COBLL1: variants seen among roughly 807,000 people sequenced by gnomAD.
COBLL1 encodes cordon-bleu protein-like 1.
In COBLL1, 50 loss-of-function variants were observed where a neutral mutation model predicts 94.8. The observed-to-expected ratio is 0.53, with a 90% CI of 0.42 to 0.67. COBLL1 has a LOEUF of 0.67. Among genes scored for constraint, COBLL1 ranks in the 30% least tolerant of loss-of-function variants. COBLL1 has a pLI of 0.00. For synonymous variants in COBLL1, 448 were observed against 473.8 expected (o/e 0.95, Z 0.71); for missense variants, 1,362 against 1,348.7 (o/e 1.01, Z -0.15).
intron 2 of COBLL1, among the ~76,000 whole-genome samples, chr2:164,772,976 T>A (rs1039435818): frequency 8.5e-6 from 1 of 117,002 alleles, no homozygotes; most frequent in Non-Finnish European, 1.8e-5. Context: ...GCTGACGGAG[T>A]TAATATTACA....
chr2:164,803,866 T>C (rs1320824739), intron 2 of COBLL1, among the ~76,000 whole-genome samples: 1 of 151,938 alleles, frequency 6.6e-6, no homozygotes, highest in Non-Finnish European at 1.5e-5. Context: ...ACTAGGCAGG[T>C]AGCTACTTAA....
At chr2:164,687,534 G>A in intron 13 of COBLL1, 3 of 1,314,382 alleles carry the variant, frequency 2.3e-6, no homozygotes, top group Non-Finnish European at 3.3e-6. Context: ...CTTGGCCAAT[G>A]TGACCCCTGA....
At chr2:164,675,744 G>T (rs1195635870), downstream of COBLL1, among the ~76,000 whole-genome samples, 2 of 152,148 alleles carry the variant, frequency 1.3e-5, no homozygotes, top group Non-Finnish European at 2.9e-5. Flanking sequence ...TAATAAAAAT[G>T]TTTTATTGCT....
chr2:164,706,900 T>C (rs1312529354), intron 7 of COBLL1, among the ~76,000 whole-genome samples: 3 of 152,154 alleles, frequency 2.0e-5, no homozygotes, highest in Non-Finnish European at 4.4e-5. Flanking sequence ...GTAACTTTGG[T>C]CAAAACCCAC....
At chr2:164,748,488 A>C (rs1191389673) in intron 2 of COBLL1, among the ~76,000 whole-genome samples, 1 of 152,228 alleles carries the variant, frequency 6.6e-6, no homozygotes, top group Non-Finnish European at 1.5e-5. Flanking sequence ...AAAATGTAAC[A>C]TTAACATTCA....
chr2:164,805,333 C>CTATATATATATATATATA (rs1406604214), intron 2 of COBLL1, among the ~76,000 whole-genome samples: 2 of 20,558 alleles, frequency 9.7e-5, no homozygotes, highest in African/African-American at 1.9e-4. Context: ...CTCTCTCTCT[C>CTATATATATATATATATA]TCTCTATATA....
chr2:164,701,893 G>A (rs1684284827), intron 9 of COBLL1, among the ~76,000 whole-genome samples: 2 of 147,748 alleles, frequency 1.4e-5, no homozygotes, highest in Non-Finnish European at 3.0e-5. Context: ...GGGATGTGGT[G>A]GGAGGGGGGG....
intron 2 of COBLL1, among the ~76,000 whole-genome samples, chr2:164,750,905 G>A (rs72880639): frequency 0.016 from 2,447 of 152,254 alleles, 26 homozygotes; most frequent in South Asian, 0.028. Context: ...TCTGATGTAT[G>A]CTAAAGTCTG....
rs73968237 is a variant in COBLL1, at chr2:164,729,337, C to T, written c.432+577G>A. On this transcript the variant is annotated intron_variant, in intron 4 of 13. Transcript: ENST00000652658. ...ATTTCTTGAAACCCATAAAATTCTACCCTATTGCTTATAGCAATAGAACAA... is the reference window on the plus strand; with the variant it reads ...ATTTCTTGAAACCCATAAAATTCTATCCTATTGCTTATAGCAATAGAACAA... 2.4e-3 allele frequency among the ~76,000 whole-genome samples: 363 copies of T among 151,556 alleles called. 2 individuals are homozygous for T. The highest frequency in any genetic ancestry group is 8.3e-3 in the African/African-American group (345 of 41,418).
intron 2 of COBLL1, among the ~76,000 whole-genome samples, chr2:164,780,556 C>G (rs1286637354): frequency 6.6e-6 from 1 of 151,952 alleles, no homozygotes; most frequent in East Asian, 1.9e-4. Flanking sequence ...AATAATTTAA[C>G]ATTAATTGAA....
chr2:164,716,204 T>C (rs797016378), intron 7 of COBLL1, among the ~76,000 whole-genome samples: 2 of 152,324 alleles, frequency 1.3e-5, no homozygotes, highest in African/African-American at 4.8e-5. Context: ...ACTTTCAATT[T>C]AAGTCAATGT....
intron 7 of COBLL1, among the ~76,000 whole-genome samples, chr2:164,720,275 AC>A (rs1685377776): frequency 1.2e-5 from 1 of 83,610 alleles, no homozygotes; most frequent in Non-Finnish European, 2.2e-5. Flanking sequence ...AAGGCAACAT[AC>A]TAAAAAAAAA....
chr2:164,813,053 A>G (rs901664871), intron 2 of COBLL1, among the ~76,000 whole-genome samples: 1 of 152,014 alleles, frequency 6.6e-6, no homozygotes, highest in Non-Finnish European at 1.5e-5. Context: ...TTAAAACCAC[A>G]ACTGATTTCT....
chr2:164,698,510 G>C (rs1013329193), intron 11 of COBLL1, among the ~76,000 whole-genome samples: 1 of 151,460 alleles, frequency 6.6e-6, no homozygotes, highest in Admixed American at 6.6e-5. Flanking sequence ...TAACATAATA[G>C]ATTGGACTAT....
intron 1 of COBLL1, among the ~76,000 whole-genome samples, chr2:164,673,855 A>G (rs1350221773): frequency 1.3e-5 from 2 of 152,126 alleles, no homozygotes; most frequent in Non-Finnish European, 2.9e-5. Flanking sequence ...AAACCTAACC[A>G]AATTTTTAAA....
chr2:164,819,694 C>A (rs915457293), intron 2 of COBLL1, among the ~76,000 whole-genome samples: 1 of 151,950 alleles, frequency 6.6e-6, no homozygotes, highest in Non-Finnish European at 1.5e-5. Flanking sequence ...TTTTCACTGA[C>A]TTTCATTTAA....
rs148905866 is a variant in COBLL1, at chr2:164,695,159, A to G, written c.2233T>C (p.Ser745Pro). ...KIVPPKSLEISKDWQSETIEY... is the reference protein window; with the variant it reads ...KIVPPKSLEIPKDWQSETIEY... ...ATGGTTTCTGATTGCCAGTCTTTCG[A>G]TATTTCCAAGGATTTGGGAGGCACT... Residue 745 changes from serine to proline, a missense_variant, in exon 12 of 14, where the codon TCG (serine) becomes CCG (proline). Physicochemically the swap from Ser to Pro is moderately conservative, Grantham distance 74 (BLOSUM62 -1). Coordinates refer to ENST00000652658, the MANE Select transcript of COBLL1 (RefSeq NM_001365672.2). 2.1e-3 allele frequency: 3,355 copies of G among 1,613,912 alleles called. 6 individuals carry two copies. Among genetic ancestry groups the G allele is most frequent in the Non-Finnish European group, 2.6e-3 (3,101 of 1,179,924 alleles).
At chr2:164,810,540 A>G (rs1684413771) in intron 2 of COBLL1, among the ~76,000 whole-genome samples, 1 of 151,678 alleles carries the variant, frequency 6.6e-6, no homozygotes, top group South Asian at 2.1e-4. Context: ...AAAACAAAGG[A>G]AACACCCTAA....
intron 7 of COBLL1, among the ~76,000 whole-genome samples, chr2:164,711,617 T>A (rs949641349): frequency 1.3e-5 from 2 of 150,782 alleles, no homozygotes; most frequent in Non-Finnish European, 3.0e-5. Context: ...CAGTGATGAA[T>A]TCATGGATAT....
Sources: allele counts gnomAD v4.1 joint callset (sites outside exome capture counted in the v4.1 genomes callset), GRCh38; gene constraint gnomAD v4.1.1; transcripts MANE v1.5; gene names NCBI Gene and HGNC (gene_info 2026-07-23, HGNC 2026-07-21).